The following KCNIP4 variants were observed in gnomAD, a reference collection of about 807,000 sequenced individuals.
KCNIP4 encodes the protein potassium voltage-gated channel interacting protein 4.
In KCNIP4, 12 loss-of-function variants were observed where a neutral mutation model predicts 34.0. The ratio of observed to expected loss-of-function variants is 0.35; its 90% confidence interval spans 0.23 to 0.57. KCNIP4 has a LOEUF of 0.57. KCNIP4 is among the 20% of genes least tolerant of loss of function. KCNIP4 has a pLI of 0.83. For synonymous variants in KCNIP4, 124 were observed against 102.2 expected (o/e 1.21, Z -1.29); for missense variants, 238 against 311.7 (o/e 0.76, Z 1.78).
At chr4:21,872,898 T>G (rs1216725309) in intron 1 of KCNIP4, among the ~76,000 whole-genome samples, 3 of 152,208 alleles carry the variant, frequency 2.0e-5, no homozygotes, top group African/African-American at 7.2e-5. Flanking sequence ...TCACAGAAAA[T>G]GTAACCTTCA....
At chr4:21,269,030 C>G (rs1761983513) in intron 1 of KCNIP4, among the ~76,000 whole-genome samples, 2 of 152,138 alleles carry the variant, frequency 1.3e-5, no homozygotes, top group Non-Finnish European at 2.9e-5. Flanking sequence ...GATGGTATGT[C>G]AAGGGGTTAA....
At chr4:21,556,910 G>A (rs1739067212) in intron 1 of KCNIP4, among the ~76,000 whole-genome samples, 1 of 39,460 alleles carries the variant, frequency 2.5e-5, no homozygotes, top group South Asian at 9.3e-4. Context: ...AACAAAGCAA[G>A]ACTCCATCTC....
At position 21,369,132 on chromosome 4, in the gene KCNIP4, G is replaced by C. The variant is rs1343217214; in HGVS notation, c.62-486423C>G. Among the ~76,000 whole-genome samples, 5 of 147,018 alleles carry C rather than the reference G, an allele frequency of 3.4e-5. 1 individual carries two copies. The highest frequency in any genetic ancestry group is 1.4e-4 in the African/African-American group (5 of 36,752). Reference sequence around the variant, plus strand: ...TGAGAAATTAAGGTAACCTGATTGAGTCTCCTAAAATGGAAAAATAATTAA... The same window carrying C: ...TGAGAAATTAAGGTAACCTGATTGACTCTCCTAAAATGGAAAAATAATTAA... On this transcript the variant is annotated intron_variant, in intron 1 of 8. Coordinates refer to ENST00000382152, the MANE Select transcript of KCNIP4 (RefSeq NM_025221.6).
intron 1 of KCNIP4, among the ~76,000 whole-genome samples, chr4:21,533,384 T>C: frequency 6.6e-6 from 1 of 152,052 alleles, no homozygotes. Context: ...GCTTAATGGG[T>C]TGACTGATTT....
At chr4:20,842,945 T>C (rs112443481) in intron 3 of KCNIP4, among the ~76,000 whole-genome samples, 5,100 of 151,198 alleles carry the variant, frequency 0.034, 227 homozygotes, top group East Asian at 0.21. Flanking sequence ...GATCTTACTG[T>C]CACCCAGGCT....
intron 1 of KCNIP4, among the ~76,000 whole-genome samples, chr4:21,036,326 C>A (rs1034613982): frequency 6.6e-6 from 1 of 152,102 alleles, no homozygotes; most frequent in African/African-American, 2.4e-5. Context: ...CAAGTCTTAT[C>A]CCTTAATTTA....
intron 1 of KCNIP4, among the ~76,000 whole-genome samples, chr4:21,574,940 ACT>A (rs1740637154): frequency 6.6e-6 from 1 of 151,910 alleles, no homozygotes; most frequent in Non-Finnish European, 1.5e-5. Flanking sequence ...ATACCAATTC[ACT>A]CTCACTTGTT....
At chr4:21,241,458 C>T (rs569804053) in intron 1 of KCNIP4, among the ~76,000 whole-genome samples, 15 of 152,180 alleles carry the variant, frequency 9.9e-5, no homozygotes, top group Admixed American at 6.6e-4. Flanking sequence ...AGAATCAAGT[C>T]AGAGGCTAAT....
At chr4:20,824,716 G>T (rs1403535020) in intron 3 of KCNIP4, among the ~76,000 whole-genome samples, 1 of 152,048 alleles carries the variant, frequency 6.6e-6, no homozygotes, top group Non-Finnish European at 1.5e-5. Flanking sequence ...TGTTTTTGAG[G>T]TCCTTTTAAA....
At chr4:20,921,734 G>A (rs1197740122) in intron 1 of KCNIP4, among the ~76,000 whole-genome samples, 1 of 152,130 alleles carries the variant, frequency 6.6e-6, no homozygotes, top group African/African-American at 2.4e-5. Context: ...TGTGTGTATG[G>A]TTCTGCATAG....
chr4:21,856,993 C>T (rs1439511796), intron 1 of KCNIP4, among the ~76,000 whole-genome samples: 2 of 152,124 alleles, frequency 1.3e-5, no homozygotes, highest in Non-Finnish European at 2.9e-5. Context: ...CACCACTCAG[C>T]ACAAACAGTC....
intron 1 of KCNIP4, among the ~76,000 whole-genome samples, chr4:20,922,864 A>C (rs1178485134): frequency 6.6e-6 from 1 of 152,154 alleles, no homozygotes; most frequent in East Asian, 1.9e-4. Flanking sequence ...TTTATTTTTC[A>C]AGTTATGTTC....
chr4:21,266,321 A>G (rs1315584592), intron 1 of KCNIP4, among the ~76,000 whole-genome samples: 1 of 152,186 alleles, frequency 6.6e-6, no homozygotes, highest in African/African-American at 2.4e-5. Context: ...CTCACTTTTC[A>G]TATACTAATG....
At chr4:21,185,325 G>A (rs372460048) in intron 1 of KCNIP4, among the ~76,000 whole-genome samples, 8 of 151,658 alleles carry the variant, frequency 5.3e-5, no homozygotes, top group South Asian at 2.1e-4. Flanking sequence ...TTGGAATTTC[G>A]TCAGGAGTTT....
chr4:21,886,864 T>G (rs1036328424), intron 1 of KCNIP4, among the ~76,000 whole-genome samples: 2 of 152,120 alleles, frequency 1.3e-5, no homozygotes, highest in African/African-American at 4.8e-5. Context: ...ATGTTCGTTA[T>G]ATTAGGAAAC....
chr4:21,175,632 A>T (rs1346050), intron 1 of KCNIP4, among the ~76,000 whole-genome samples: 10,473 of 152,186 alleles, frequency 0.069, 508 homozygotes, highest in South Asian at 0.15. Flanking sequence ...ATAAAATAAG[A>T]GTTACTTGAA....
intron 1 of KCNIP4, among the ~76,000 whole-genome samples, chr4:21,271,226 G>T (rs927604739): frequency 6.6e-6 from 1 of 152,090 alleles, no homozygotes; most frequent in Non-Finnish European, 1.5e-5. Context: ...CCCTCTGTAA[G>T]GTCATTAACC....
chr4:20,731,754 A>G, intron 8 of KCNIP4: 2 of 985,416 alleles, frequency 2.0e-6, no homozygotes, highest in Non-Finnish European at 2.4e-6. Flanking sequence ...GAATTTGGGA[A>G]TCAACACAGT....
Position 21,432,252 on chromosome 4 carries a change from G to A in KCNIP4, c.61+516319C>T, listed in dbSNP as rs79558513. On this transcript the variant is annotated intron_variant, in intron 1 of 8. Coordinates refer to ENST00000382152, the MANE Select transcript of KCNIP4 (RefSeq NM_025221.6). ...GAAACTGAATAACTCCAAATAAAGC[G>A]AGGAAAAATGTAGATTAGGTTCAAG... 4.7e-5 allele frequency among the ~76,000 whole-genome samples: 7 copies of A among 149,932 alleles called. No individual in the cohort carries two copies. The East Asian group carries it at 1.2e-3, about 25-fold the overall frequency.
Sources: gnomAD v4.1 joint callset for allele counts (sites outside exome capture counted in the v4.1 genomes callset) on GRCh38, gnomAD v4.1.1 for gene constraint, MANE v1.5 for transcripts, NCBI Gene and HGNC (gene_info 2026-07-23, HGNC 2026-07-21) for gene names.